Variants in KCNA6 observed in about 807,000 individuals in gnomAD.
The protein encoded by KCNA6 is human brain potassium channel-2.
A neutral mutation model predicts 29.5 loss-of-function variants in KCNA6; 17 were observed. The ratio of observed to expected loss-of-function variants is 0.58; its 90% CI spans 0.39 to 0.86. The LOEUF (loss-of-function observed/expected upper bound fraction) is 0.86, where lower values mean the gene tolerates loss of function less well. KCNA6 is among the 40% of genes least tolerant of loss of function. The probability of loss-of-function intolerance (pLI) is 0.00; values close to 1 mark genes in which losing one functional copy is unlikely to be tolerated. For synonymous variants in KCNA6, 296 were observed against 304.7 expected (o/e 0.97, Z 0.30); for missense variants, 450 against 703.4 (o/e 0.64, Z 4.07).
At chr12:4,845,609 CT>C in the KCNA6 span, among the ~76,000 whole-genome samples, 10 of 152,266 alleles carry the variant, frequency 6.6e-5, no homozygotes, top group Non-Finnish European at 1.3e-4. Context: ...TTGGGACATA[CT>C]TGTACTAAAA....
the KCNA6 span, among the ~76,000 whole-genome samples, chr12:4,832,086 G>C: frequency 6.6e-6 from 1 of 152,072 alleles, no homozygotes; most frequent in Non-Finnish European, 1.5e-5. Flanking sequence ...TGTAGTTGTG[G>C]AATTATTTAG....
At chr12:4,816,703 C>G (rs4238021), downstream of KCNA6, among the ~76,000 whole-genome samples, 3 of 151,790 alleles carry the variant, frequency 2.0e-5, no homozygotes, top group African/African-American at 7.3e-5. Flanking sequence ...TTTCCCTGGC[C>G]CCCTACCTAC....
the KCNA6 span, among the ~76,000 whole-genome samples, chr12:4,833,116 G>C: frequency 5.3e-5 from 8 of 152,106 alleles, no homozygotes; most frequent in Non-Finnish European, 1.2e-4. Context: ...TCTTGAGGAA[G>C]GACAGCTTCA....
the KCNA6 span, among the ~76,000 whole-genome samples, chr12:4,844,701 A>G: frequency 2.0e-5 from 3 of 152,108 alleles, no homozygotes; most frequent in Non-Finnish European, 4.4e-5. The surrounding 1 kb of genome is among the most constrained non-coding windows in gnomAD (Gnocchi z 4.0). Context: ...ACTCTGCATG[A>G]TGGGCATTAC....
the KCNA6 span, among the ~76,000 whole-genome samples, chr12:4,840,224 TATCTATC>T: frequency 4.9e-4 from 22 of 45,004 alleles, no homozygotes; most frequent in Middle Eastern, 0.033. Flanking sequence ...TCTATCTATC[TATCTATC>T]TATCTATCTA....
chr12:4,817,245 C>T (rs958989678), downstream of KCNA6, among the ~76,000 whole-genome samples: 7 of 152,150 alleles, frequency 4.6e-5, no homozygotes, highest in Non-Finnish European at 1.0e-4. Flanking sequence ...CATATTTTGC[C>T]TTGGGTTGCA....
chr12:4,840,213 ATC>A, the KCNA6 span, among the ~76,000 whole-genome samples: 9 of 29,846 alleles, frequency 3.0e-4, no homozygotes, highest in South Asian at 4.5e-3. Context: ...CTATCTATCT[ATC>A]TATCTATCTA....
chr12:4,833,226 A>T, the KCNA6 span, among the ~76,000 whole-genome samples: 2 of 152,212 alleles, frequency 1.3e-5, no homozygotes, highest in East Asian at 3.9e-4. Context: ...CAATTCAAGC[A>T]GGTCAGCAAT....
the KCNA6 span, among the ~76,000 whole-genome samples, chr12:4,841,324 AAAT>A: frequency 2.0e-5 from 3 of 152,218 alleles, no homozygotes; most frequent in African/African-American, 7.2e-5. Flanking sequence ...ATTATAAAAT[AAAT>A]AATAAAGATT....
At chr12:4,834,893 G>A in the KCNA6 span, among the ~76,000 whole-genome samples, 1 of 152,152 alleles carries the variant, frequency 6.6e-6, no homozygotes, top group African/African-American at 2.4e-5. Context: ...CATGGAGTGA[G>A]AATCATACGG....
the KCNA6 span, among the ~76,000 whole-genome samples, chr12:4,832,713 G>A: frequency 1.2e-3 from 185 of 152,222 alleles, 1 homozygote; most frequent in African/African-American, 4.4e-3. Context: ...GACCCAGAGA[G>A]GGTCCTGCCT....
exon 1 of KCNA6, chr12:4,809,903 C>G (rs1331358039): frequency 2.0e-6 from 2 of 1,009,722 alleles, no homozygotes; most frequent in Admixed American, 5.9e-5. Flanking sequence ...ACCCAACGGC[C>G]AGGTCAGACC....
At chr12:4,824,837 C>T in the KCNA6 span, among the ~76,000 whole-genome samples, 1 of 152,226 alleles carries the variant, frequency 6.6e-6, no homozygotes, top group Non-Finnish European at 1.5e-5. Flanking sequence ...GATGTATTGG[C>T]TTTACCTTCA....
chr12:4,836,413 C>CA, the KCNA6 span, among the ~76,000 whole-genome samples: 5 of 152,204 alleles, frequency 3.3e-5, no homozygotes, highest in East Asian at 7.7e-4. Flanking sequence ...TGGAGGGGGT[C>CA]AGGGAGGGTT....
chr12:4,845,805 G>A, the KCNA6 span, among the ~76,000 whole-genome samples: 1 of 151,832 alleles, frequency 6.6e-6, no homozygotes, highest in Non-Finnish European at 1.5e-5. Context: ...TTTCAATAAG[G>A]CTTATAACAA....
chr12:4,850,146 C>T, the KCNA6 span, among the ~76,000 whole-genome samples: 10 of 152,116 alleles, frequency 6.6e-5, no homozygotes, highest in South Asian at 6.2e-4. The surrounding 1 kb of genome is among the most constrained non-coding windows in gnomAD (Gnocchi z 5.4). Context: ...GGGGTTCAGC[C>T]GGGCCTAGAG....
downstream of KCNA6, among the ~76,000 whole-genome samples, chr12:4,816,693 T>G (rs551914893): frequency 8.5e-5 from 13 of 152,306 alleles, no homozygotes; most frequent in East Asian, 2.5e-3. Flanking sequence ...AAGGTTTTAT[T>G]TTCCCTGGCC....
the KCNA6 span, among the ~76,000 whole-genome samples, chr12:4,821,353 A>C: frequency 6.6e-6 from 1 of 151,946 alleles, no homozygotes; most frequent in Non-Finnish European, 1.5e-5. Context: ...CACCCAGGAG[A>C]GCATACGTGT....
chr12:4,841,376 TG>T, the KCNA6 span, among the ~76,000 whole-genome samples: 1 of 152,218 alleles, frequency 6.6e-6, no homozygotes, highest in East Asian at 1.9e-4. Flanking sequence ...GCAGTTTTTT[TG>T]TCCTTATTTT....
Sources: gnomAD v4.1 joint callset for allele counts (sites outside exome capture counted in the v4.1 genomes callset) on GRCh38, gnomAD v4.1.1 for gene constraint, Gnocchi (gnomAD v3.1) non-coding constraint, MANE v1.5 for transcripts, NCBI Gene and HGNC (gene_info 2026-07-23, HGNC 2026-07-21) for gene names.